The following PRELID2 variants were observed in gnomAD, a reference collection of about 807,000 sequenced individuals.
PRELID2 encodes PRELI domain containing 2.
PRELID2 carries 25 observed loss-of-function variants against 28.4 expected under a neutral mutation model. The ratio of observed to expected loss-of-function variants is 0.88; its 90% CI spans 0.64 to 1.23. The LOEUF is 1.23. Among genes scored for constraint, PRELID2 ranks in the 50% most tolerant of loss-of-function variants. The pLI is 0.00. For missense variants in PRELID2, 201 were observed against 214.4 expected, an observed-to-expected ratio of 0.94 and a Z score of 0.39; for synonymous variants, 76 against 71.6, an observed-to-expected ratio of 1.06 and a Z score of -0.31.
the PRELID2 span, among the ~76,000 whole-genome samples, chr5:145,334,869 T>A: frequency 2.0e-5 from 3 of 152,088 alleles, no homozygotes; most frequent in African/African-American, 7.2e-5. Flanking sequence ...TATAAAAATG[T>A]CCTTGTGTGT....
At chr5:145,553,952 G>A (rs984871218) in intron 1 of PRELID2, among the ~76,000 whole-genome samples, 1 of 152,134 alleles carries the variant, frequency 6.6e-6, no homozygotes, top group African/African-American at 2.4e-5. Flanking sequence ...GATCGAGCAT[G>A]GTGGCAAAGT....
intron 5 of PRELID2, among the ~76,000 whole-genome samples, chr5:145,794,889 A>G (rs1275688543): frequency 6.6e-6 from 1 of 152,146 alleles, no homozygotes; most frequent in African/African-American, 2.4e-5. Context: ...AATAGGGGTT[A>G]GCTATACCCT....
the PRELID2 span, among the ~76,000 whole-genome samples, chr5:145,311,543 T>C: frequency 1.3e-5 from 2 of 152,194 alleles, no homozygotes; most frequent in Non-Finnish European, 2.9e-5. Flanking sequence ...GGCATGGCCT[T>C]GATTTTTGCA....
chr5:145,740,515 A>T, intron 1 of PRELID2, among the ~76,000 whole-genome samples: 1 of 137,122 alleles, frequency 7.3e-6, no homozygotes, highest in Non-Finnish European at 1.6e-5. Context: ...AAAGAATCTA[A>T]CTAGCATTTA....
intron 1 of PRELID2, among the ~76,000 whole-genome samples, chr5:145,709,134 C>T (rs764841004): frequency 1.3e-5 from 2 of 152,146 alleles, no homozygotes; most frequent in Non-Finnish European, 2.9e-5. Context: ...GCTATTCTTG[C>T]GTCTTTTCCT....
Position 145,767,677 on chromosome 5 carries a change from C to A in PRELID2, c.475-2677G>T, listed in dbSNP as rs185947973. 1.0e-3 allele frequency among the ~76,000 whole-genome samples: 155 copies of A among 152,274 alleles called. 1 individual carries two copies. The highest frequency in any genetic ancestry group is 1.7e-3 in the Non-Finnish European group (119 of 68,022). On this transcript the variant is annotated intron_variant, in intron 5 of 6. Coordinates refer to ENST00000683046, the MANE Select transcript of PRELID2 (RefSeq NM_205846.3). ...TGCATCTGCTCACCTGTGTGCTCCC[C>A]CTTTTGCAAGGGGTTGAGAGCTGCG... is the stretch of plus-strand genomic sequence containing the variant.
intron 1 of PRELID2, among the ~76,000 whole-genome samples, chr5:145,619,661 G>A (rs1469968157): frequency 6.6e-6 from 1 of 152,130 alleles, no homozygotes; most frequent in East Asian, 1.9e-4. Flanking sequence ...TTCATGATGT[G>A]AGCCTCCCCC....
chr5:145,590,394 T>A (rs924984451), intron 1 of PRELID2, among the ~76,000 whole-genome samples: 2 of 152,236 alleles, frequency 1.3e-5, no homozygotes, highest in Non-Finnish European at 2.9e-5. Context: ...CATTTCCTTA[T>A]TATTTATGTA....
chr5:145,633,094 T>A (rs1275002608), intron 1 of PRELID2, among the ~76,000 whole-genome samples: 1 of 151,542 alleles, frequency 6.6e-6, no homozygotes, highest in African/African-American at 2.4e-5. Context: ...CTCAAGGGAG[T>A]GTGGAAGTGG....
intron 1 of PRELID2, among the ~76,000 whole-genome samples, chr5:145,481,623 C>CGAAAAAAAA (rs1752160143): frequency 2.4e-5 from 1 of 41,862 alleles, no homozygotes; most frequent in Non-Finnish European, 3.8e-5. Context: ...GCAAGGAAAT[C>CGAAAAAAAA]AAAAAAAAAA....
chr5:145,695,572 G>T (rs1323327989), intron 1 of PRELID2, among the ~76,000 whole-genome samples: 1 of 151,670 alleles, frequency 6.6e-6, no homozygotes, highest in Non-Finnish European at 1.5e-5. Flanking sequence ...GAGAATTCAG[G>T]TCCTGGCTCA....
chr5:145,750,704 T>C (rs1357137483), intron 1 of PRELID2, among the ~76,000 whole-genome samples: 1 of 152,234 alleles, frequency 6.6e-6, no homozygotes, highest in African/African-American at 2.4e-5. Context: ...TTATTCCTGC[T>C]GGCAACTGCC....
At chr5:145,315,633 C>T in the PRELID2 span, among the ~76,000 whole-genome samples, 16 of 151,392 alleles carry the variant, frequency 1.1e-4, no homozygotes, top group Non-Finnish European at 1.8e-4. Context: ...ATAGCCCATC[C>T]TCACACATAT....
chr5:145,497,202 G>A (rs1412884268), intron 1 of PRELID2, among the ~76,000 whole-genome samples: 2 of 152,082 alleles, frequency 1.3e-5, no homozygotes, highest in Admixed American at 6.6e-5. Context: ...TTTGCATTAT[G>A]TTTTAGAGAT....
downstream of PRELID2, among the ~76,000 whole-genome samples, chr5:145,468,170 G>A (rs1298954599): frequency 6.6e-6 from 1 of 152,076 alleles, no homozygotes; most frequent in African/African-American, 2.4e-5. Flanking sequence ...TGTGGTGTTT[G>A]GTTTTTTGTC....
At chr5:145,297,716 A>T in the PRELID2 span, among the ~76,000 whole-genome samples, 2 of 152,084 alleles carry the variant, frequency 1.3e-5, no homozygotes, top group African/African-American at 2.4e-5. Context: ...ATATCTAGAA[A>T]ACTCCATCGT....
At chr5:145,707,223 G>T (rs1051754056) in intron 1 of PRELID2, among the ~76,000 whole-genome samples, 4 of 152,148 alleles carry the variant, frequency 2.6e-5, no homozygotes, top group Non-Finnish European at 5.9e-5. Context: ...ATTTGCCCAG[G>T]ACCCATAGCA....
At chr5:145,497,553 G>A (rs1017215333) in intron 1 of PRELID2, among the ~76,000 whole-genome samples, 2 of 152,216 alleles carry the variant, frequency 1.3e-5, no homozygotes, top group East Asian at 3.9e-4. Flanking sequence ...TAACTTAGGA[G>A]TGTTATTGTT....
chr5:145,567,804 G>A lies in PRELID2; in HGVS notation n.71-94489C>T, dbSNP rs371205849. Among the ~76,000 whole-genome samples the A allele has an allele frequency of 3.4e-4, 52 of 152,246 alleles. No homozygotes were observed. In the East Asian group the frequency reaches 7.3e-3, roughly 21 times the overall value. ...TTGTAAGTTTCCTGAGGCCTCCCCAGCCATGTGGAACTGCGAGTCGATTAA... is the reference window on the plus strand; with the variant it reads ...TTGTAAGTTTCCTGAGGCCTCCCCAACCATGTGGAACTGCGAGTCGATTAA... On this transcript the variant is annotated intron_variant and non_coding_transcript_variant, in intron 1 of 2. Transcript: ENST00000510259.
Sources: gnomAD v4.1 joint callset for allele counts (sites outside exome capture counted in the v4.1 genomes callset) on GRCh38, gnomAD v4.1.1 for gene constraint, MANE v1.5 for transcripts, NCBI Gene and HGNC (gene_info 2026-07-23, HGNC 2026-07-21) for gene names.